Variants in OR4X2 observed in about 807,000 individuals in gnomAD.
OR4X2 encodes olfactory receptor family 4 subfamily X member 2.
For missense variants in OR4X2, 554 were observed against 359.5 expected (o/e 1.54, Z -4.38); for synonymous variants, 205 against 136.6 (o/e 1.50, Z -3.49).
Position 48,245,473 on chromosome 11 carries a change from T to G in OR4X2, c.370T>G (p.Tyr124Asp), listed in dbSNP as rs1228820792. 1 of 1,614,082 alleles carries G rather than the reference T, an allele frequency of 6.2e-7. No homozygotes were observed. The highest frequency in any genetic ancestry group is 8.5e-7 in the Non-Finnish European group (1 of 1,180,042). ...HYVAICKPLS[Y>D]TTIMNWQVCT... ...TGTGGCCATCTGCAAGCCCCTCAGC[T>G]ACACCACCATCATGAACTGGCAGGT... The change falls in exon 1 of 1, where the codon TAC (tyrosine) becomes GAC (aspartate). Residue 124 changes from tyrosine (Y) to aspartate (D), a missense_variant. Physicochemically the swap from Tyr to Asp is radical, Grantham distance 160. Coordinates refer to ENST00000624868, the MANE Select transcript of OR4X2 (RefSeq NM_001004727.1).
At position 48,245,493 on chromosome 11, in the gene OR4X2, G is replaced by T. The variant is rs755959985; in HGVS notation, c.390G>T (p.Trp130Cys). 6.2e-7 allele frequency: 1 copy of T among 1,614,170 alleles called. No individual in the cohort carries two copies. Among genetic ancestry groups the T allele is most frequent in the Non-Finnish European group, 8.5e-7 (1 of 1,180,036 alleles). Residue 130 changes from tryptophan to cysteine, a missense_variant, in exon 1 of 1, where the codon TGG (tryptophan) becomes TGT (cysteine). Trp to Cys is a radical substitution (Grantham distance 215). Coordinates refer to ENST00000624868, the MANE Select transcript of OR4X2 (RefSeq NM_001004727.1). ...TCAGCTACACCACCATCATGAACTG[G>T]CAGGTGTGTACTGTCCTTGTAGGAA... is the stretch of plus-strand genomic sequence containing the variant. ...KPLSYTTIMNWQVCTVLVGIA... is the reference protein window; with the variant it reads ...KPLSYTTIMNCQVCTVLVGIA...
chr11:48,245,389 T>C lies in OR4X2; in HGVS notation c.286T>C (p.Leu96=), dbSNP rs1805840578. 3 of 1,614,168 alleles carry C rather than the reference T, an allele frequency of 1.9e-6. No individual in the cohort carries two copies. The highest frequency in any genetic ancestry group is 2.5e-6 in the Non-Finnish European group (3 of 1,180,030). ...WWGCMAQLFF[L]HFFGGTEIFL... The stretch of plus-strand genomic sequence containing the variant: ...GGGCTGCATGGCACAGCTTTTCTTC[T>C]TGCACTTCTTTGGTGGCACTGAGAT... Residue 96 remains leucine (L), a synonymous_variant, in exon 1 of 1, where the codon TTG becomes CTG. Coordinates refer to ENST00000624868, the MANE Select transcript of OR4X2 (RefSeq NM_001004727.1).
In OR4X2 at chr11:48,245,466, C is replaced by T. The variant is rs2134410976; in HGVS notation, c.363C>T (p.Pro121=). The T allele has an allele frequency of 3.7e-6, 6 of 1,614,168 alleles. No homozygotes were observed. Among genetic ancestry groups the T allele is most frequent in the Middle Eastern group, 1.6e-4 (1 of 6,062 alleles). The part of the protein sequence containing the change: ...AYDHYVAICK[P]LSYTTIMNWQ... ...ACCACTATGTGGCCATCTGCAAGCC[C>T]CTCAGCTACACCACCATCATGAACT... is the stretch of plus-strand genomic sequence containing the variant. The change falls in exon 1 of 1, where the codon CCC becomes CCT. Residue 121 remains proline, a synonymous_variant. Transcript: ENST00000624868.
At position 48,245,766 on chromosome 11, in the gene OR4X2, C is replaced by T. The variant is rs750886198; in HGVS notation, c.663C>T (p.Ser221=). Residue 221 remains serine (S), a synonymous_variant, in exon 1 of 1, where the codon AGC becomes AGT. Transcript: ENST00000624868. Reference sequence around the variant, plus strand: ...TCTTGCTCCATCTGAGAACCTGGAGCTCTGAAGGGTGGTGCAAAGCCCTCT... The same window carrying T: ...TCTTGCTCCATCTGAGAACCTGGAGTTCTGAAGGGTGGTGCAAAGCCCTCT... The part of the protein sequence containing the change: ...MVILLHLRTW[S]SEGWCKALST... 5.6e-6 allele frequency: 9 copies of T among 1,614,118 alleles called. No homozygotes were observed. The highest frequency in any genetic ancestry group is 2.2e-5 in the South Asian group (2 of 91,076).
rs762003892 is a variant in OR4X2, at chr11:48,245,222, C to T, written c.119C>T (p.Thr40Ile). ...IVLGNFLIVL[T>I]VMTSRSLGSP... The stretch of plus-strand genomic sequence containing the variant: ...CTGGGGAATTTCCTCATTGTGCTCA[C>T]TGTCATGACCAGCAGAAGCCTTGGT... The change falls in exon 1 of 1, where the codon ACT (threonine) becomes ATT (isoleucine). Residue 40 changes from threonine (T) to isoleucine (I), a missense_variant. Coordinates refer to ENST00000624868, the MANE Select transcript of OR4X2 (RefSeq NM_001004727.1). 2 of 1,614,164 alleles carry T rather than the reference C, an allele frequency of 1.2e-6. No individual in the cohort carries two copies. Among genetic ancestry groups the T allele is most frequent in the Admixed American group, 1.7e-5 (1 of 60,018 alleles).
rs151281960 is a variant in OR4X2, at chr11:48,245,154, G to C, written c.51G>C (p.Arg17Ser). 4 of 1,614,084 alleles carry C rather than the reference G, an allele frequency of 2.5e-6. No individual in the cohort carries two copies. Among genetic ancestry groups the C allele is most frequent in the South Asian group, 2.2e-5 (2 of 91,066 alleles). The change falls in exon 1 of 1, where the codon AGG becomes AGC. Residue 17 changes from arginine to serine, a missense_variant. Arg to Ser is a moderately radical substitution (Grantham distance 110). Coordinates refer to ENST00000624868, the MANE Select transcript of OR4X2 (RefSeq NM_001004727.1). ...LVLSPNQEVQRVCFVIFLFLY... is the reference protein window; with the variant it reads ...LVLSPNQEVQSVCFVIFLFLY... Reference sequence around the variant, plus strand: ...TTTCTCCCAACCAGGAGGTGCAGAGGGTTTGCTTTGTGATATTTCTGTTCT... The same window carrying C: ...TTTCTCCCAACCAGGAGGTGCAGAGCGTTTGCTTTGTGATATTTCTGTTCT...
Sources: allele counts gnomAD v4.1 joint callset, GRCh38; gene constraint gnomAD v4.1.1; transcripts MANE v1.5; gene names NCBI Gene and HGNC (gene_info 2026-07-23, HGNC 2026-07-21).